Variants in LRCH1 observed in about 807,000 individuals in gnomAD.
The protein encoded by LRCH1 is leucine-rich repeat and calponin homology domain-containing protein 1.
LRCH1 carries 23 observed loss-of-function variants against 94.9 expected under a neutral mutation model. The ratio of observed to expected loss-of-function variants is 0.24; its 90% CI spans 0.17 to 0.34. The LOEUF (loss-of-function observed/expected upper bound fraction) is 0.34. Among genes scored for constraint, LRCH1 ranks in the 10% least tolerant of loss-of-function variants. The pLI, the probability that LRCH1 is intolerant of heterozygous loss-of-function variation, is 1.00. For missense variants in LRCH1, 790 were observed against 945.9 expected (o/e 0.84, Z 2.16); for synonymous variants, 364 against 354.9 (o/e 1.03, Z -0.29).
At chr13:46,660,105 T>A (rs7999245) in intron 2 of LRCH1, among the ~76,000 whole-genome samples, 1 of 139,194 alleles carries the variant, frequency 7.2e-6, no homozygotes, top group Admixed American at 8.4e-5. Flanking sequence ...TCCGCCTCCT[T>A]GGTTCACGCC....
rs1350347620 is a variant in LRCH1 at position 46,553,694 on chromosome 13, G to A, written c.298G>A (p.Val100Met). Reference sequence around the variant, plus strand: ...CCCCGGGCACGACCTCTCGGACACGGTGCAGGCAGGTGAGTGAGGGCCGAG... The same window carrying A: ...CCCCGGGCACGACCTCTCGGACACGATGCAGGCAGGTGAGTGAGGGCCGAG... ...AAPGHDLSDT[V>M]QADLSKNRLV... Residue 100 changes from valine (V) to methionine (M), a missense_variant, in exon 1 of 20, where the codon GTG becomes ATG. Physicochemically the swap from Val to Met is conservative, Grantham distance 21. This residue lies in a region of LRCH1 where 136 missense variants were observed against 143.5 expected (regional missense o/e 0.95). Coordinates refer to ENST00000389797, the MANE Select transcript of LRCH1 (RefSeq NM_001164211.2). 4 of 1,609,640 alleles carry A rather than the reference G, an allele frequency of 2.5e-6. No individual in the cohort carries two copies. The highest frequency in any genetic ancestry group is 3.4e-6 in the Non-Finnish European group (4 of 1,179,202).
intron 15 of LRCH1, among the ~76,000 whole-genome samples, chr13:46,713,080 TAA>T (rs1872154366): frequency 6.6e-6 from 1 of 152,236 alleles, no homozygotes; most frequent in African/African-American, 2.4e-5. Context: ...GTTACTTTTT[TAA>T]AAAGTCTTTT....
intron 1 of LRCH1, among the ~76,000 whole-genome samples, chr13:46,641,970 G>T (rs1192921961): frequency 6.6e-6 from 1 of 152,230 alleles, no homozygotes; most frequent in Non-Finnish European, 1.5e-5. Flanking sequence ...ACGTGGGGAG[G>T]ACGTGGTTCT....
rs1036569414 is a variant in LRCH1 at position 46,572,599 on chromosome 13, G to GA, written c.307+18905dup. ...GACTGTTTTCATTATATTGACTAAA[G>GA]AAAAAAAAAGCTCGACAAAATCTCC... On this transcript the variant is annotated intron_variant, in intron 1 of 19. Coordinates refer to ENST00000389797, the MANE Select transcript of LRCH1 (RefSeq NM_001164211.2). 1.2e-3 allele frequency among the ~76,000 whole-genome samples: 174 copies of GA among 150,136 alleles called. 1 individual carries two copies. The highest frequency in any genetic ancestry group is 4.0e-3 in the African/African-American group (165 of 40,870).
chr13:46,668,191 T>C (rs1466259082), intron 2 of LRCH1, among the ~76,000 whole-genome samples: 2 of 152,082 alleles, frequency 1.3e-5, no homozygotes, highest in Non-Finnish European at 1.5e-5. Context: ...GGCTGACATA[T>C]AAATAAGGAT....
intron 4 of LRCH1, among the ~76,000 whole-genome samples, 180 bp from the exon 5 acceptor site, chr13:46,685,725 C>T (rs1593351316): frequency 1.3e-5 from 2 of 152,040 alleles, no homozygotes; most frequent in South Asian, 4.1e-4. Context: ...AAAGATTTTC[C>T]CTCTTTTGGT....
At chr13:46,673,643 G>A (rs1365219693) in intron 3 of LRCH1, among the ~76,000 whole-genome samples, 1 of 152,098 alleles carries the variant, frequency 6.6e-6, no homozygotes, top group African/African-American at 2.4e-5. Context: ...CTTTAGCGCC[G>A]AGACAGTGTC....
intron 1 of LRCH1, among the ~76,000 whole-genome samples, chr13:46,633,742 C>T (rs1480329795): frequency 6.6e-6 from 1 of 152,138 alleles, no homozygotes; most frequent in Non-Finnish European, 1.5e-5. Flanking sequence ...CTCATGGGCT[C>T]CAGACCCACA....
chr13:46,638,530 C>T (rs2051120203), intron 1 of LRCH1, among the ~76,000 whole-genome samples: 1 of 152,136 alleles, frequency 6.6e-6, no homozygotes, highest in African/African-American at 2.4e-5. Context: ...ATGTTTAACA[C>T]AAGTATTTGG....
At chr13:46,577,878 G>A (rs1297628138) in intron 1 of LRCH1, among the ~76,000 whole-genome samples, 1 of 152,218 alleles carries the variant, frequency 6.6e-6, no homozygotes, top group African/African-American at 2.4e-5. Flanking sequence ...ATTTACAATT[G>A]CTAGAGAACA....
chr13:46,569,472 T>G (rs2050218758), intron 1 of LRCH1, among the ~76,000 whole-genome samples: 1 of 152,196 alleles, frequency 6.6e-6, no homozygotes, highest in African/African-American at 2.4e-5. Context: ...AGAACTGCCC[T>G]TTGCTGGGAG....
At chr13:46,733,886 A>C in intron 18 of LRCH1, 35 bp from the exon 19 acceptor site, 2 of 1,315,198 alleles carry the variant, frequency 1.5e-6, no homozygotes, top group Non-Finnish European at 2.1e-6. Context: ...TTCTCTTTTA[A>C]ATAATATATT....
At chr13:46,556,832 C>A (rs187201771) in intron 1 of LRCH1, among the ~76,000 whole-genome samples, 9 of 152,294 alleles carry the variant, frequency 5.9e-5, no homozygotes, top group African/African-American at 1.9e-4. Flanking sequence ...AGCATTGATT[C>A]CACAAGAATG....
chr13:46,573,548 T>C (rs2050264147), intron 1 of LRCH1, among the ~76,000 whole-genome samples: 1 of 152,070 alleles, frequency 6.6e-6, no homozygotes, highest in Non-Finnish European at 1.5e-5. Context: ...TATTCAGCCA[T>C]AAAAAGAATG....
At chr13:46,731,477 C>T (rs898221326) in intron 18 of LRCH1, among the ~76,000 whole-genome samples, 6 of 152,190 alleles carry the variant, frequency 3.9e-5, no homozygotes, top group East Asian at 1.9e-4. Context: ...GTAATCTGCC[C>T]GCCTCAGCCT....
At chr13:46,653,157 A>G (rs556561827) in intron 2 of LRCH1, among the ~76,000 whole-genome samples, 1 of 152,372 alleles carries the variant, frequency 6.6e-6, no homozygotes, top group Admixed American at 6.5e-5. Flanking sequence ...AAAAGAATAT[A>G]GGAAGAGGCT....
chr13:46,733,811 T>A, intron 18 of LRCH1, 110 bp from the exon 19 acceptor site: 1 of 600,254 alleles, frequency 1.7e-6, no homozygotes, highest in Non-Finnish European at 2.9e-6. Flanking sequence ...TTTCTTTTGC[T>A]CCAATAAACA....
chr13:46,568,326 A>G (rs912262987), intron 1 of LRCH1, among the ~76,000 whole-genome samples: 5 of 152,224 alleles, frequency 3.3e-5, no homozygotes, highest in African/African-American at 1.2e-4. Context: ...GATAAGTTAT[A>G]TGGTCACCCC....
chr13:46,577,503 A>G (rs540693672), intron 1 of LRCH1, among the ~76,000 whole-genome samples: 2 of 152,342 alleles, frequency 1.3e-5, no homozygotes, highest in South Asian at 2.1e-4. Context: ...AGATGACACA[A>G]TAATTGGAAT....
Sources: allele counts gnomAD v4.1 joint callset (sites outside exome capture counted in the v4.1 genomes callset), GRCh38; gene constraint gnomAD v4.1.1; regional missense constraint gnomAD v4.1.1; transcripts MANE v1.5; gene names NCBI Gene and HGNC (gene_info 2026-07-23, HGNC 2026-07-21).